Variants in USP54 observed in about 807,000 individuals in gnomAD.
USP54 encodes the protein ubiquitin carboxyl-terminal hydrolase 54.
USP54 carries 87 observed loss-of-function variants against 170.5 expected under a neutral mutation model. That is an observed-to-expected ratio of 0.51 (90% CI 0.43 to 0.61). The LOEUF (loss-of-function observed/expected upper bound fraction) is 0.61, where lower values mean the gene tolerates loss of function less well. USP54 is among the 20% of genes least tolerant of loss of function. USP54 has a pLI of 0.00. For synonymous variants in USP54, 655 were observed against 742.8 expected (o/e 0.88, Z 1.92); for missense variants, 1,786 against 2,047.8 (o/e 0.87, Z 2.47).
At chr10:73,499,219 G>C (rs774600959) in intron 23 of USP54, 31 bp from the exon 24 acceptor site, 1 of 1,552,724 alleles carries the variant, frequency 6.4e-7, no homozygotes, top group Non-Finnish European at 8.7e-7. Flanking sequence ...CAAAGACTGA[G>C]CATCTTCAGA....
chr10:73,544,739 A>G (rs2067382098), intron 5 of USP54, among the ~76,000 whole-genome samples: 1 of 151,576 alleles, frequency 6.6e-6, no homozygotes, highest in Non-Finnish European at 1.5e-5. Flanking sequence ...TTTGAGACAG[A>G]GTCTCACTGT....
At position 73,517,108 on chromosome 10, in the gene USP54, C is replaced by T. The variant is rs377681685; in HGVS notation, c.3318G>A (p.Leu1106=). 2.0e-5 allele frequency: 32 copies of T among 1,614,098 alleles called. No homozygotes were observed. Among genetic ancestry groups the T allele is most frequent in the Non-Finnish European group, 2.4e-5 (28 of 1,180,050 alleles). The change falls in exon 20 of 24, where the codon TTG becomes TTA. Residue 1106 remains leucine (L), a synonymous_variant. Transcript: ENST00000687698. ...CLQGQSLKTS[L]TLKVDRGSEE... is the part of the protein sequence containing the mutation. ...CACTGCCTCTGTCCACTTTTAAAGT[C>T]AATGAAGTTTTGAGGCTTTGGCCTT...
At chr10:73,617,492 T>C (rs1311435171) in intron 1 of USP54, among the ~76,000 whole-genome samples, 1 of 149,614 alleles carries the variant, frequency 6.7e-6, no homozygotes, top group East Asian at 1.9e-4. Flanking sequence ...TAATAATAAA[T>C]ATGGAAAATA....
At chr10:73,527,393 G>A (rs2063085773) in intron 15 of USP54, among the ~76,000 whole-genome samples, 1 of 151,606 alleles carries the variant, frequency 6.6e-6, no homozygotes, top group Admixed American at 6.6e-5. Context: ...AGCTACTAGG[G>A]AGGCTGAGGC....
intron 1 of USP54, among the ~76,000 whole-genome samples, chr10:73,577,127 CA>C (rs1310541715): frequency 6.6e-6 from 1 of 152,196 alleles, no homozygotes; most frequent in African/African-American, 2.4e-5. Flanking sequence ...ACCACATCTC[CA>C]GCTTTAAGTT....
Position 73,620,790 on chromosome 10 carries a change from T to G in USP54, c.-18+4777A>C, listed in dbSNP as rs554333998. ...CTGTCTCTACCAAAAATACAAAAAA[T>G]TATCTGGGTGTGGTGGCGGGCACCT... is the stretch of plus-strand genomic sequence containing the variant. On this transcript the variant is annotated intron_variant, in intron 1 of 22. Transcript: ENST00000339859. Among the ~76,000 whole-genome samples the G allele has an allele frequency of 4.3e-4, 64 of 149,916 alleles. 2 individuals carry two copies. The highest frequency in any genetic ancestry group is 7.1e-4 in the Non-Finnish European group (48 of 67,986).
chr10:73,596,758 C>T (rs1031426410), intron 1 of USP54, among the ~76,000 whole-genome samples: 3 of 148,984 alleles, frequency 2.0e-5, no homozygotes, highest in African/African-American at 7.4e-5. Flanking sequence ...AAGGGTTTCT[C>T]AGTGTTTATG....
rs770341500 is a variant in USP54 at position 73,539,569 on chromosome 10, G to A, written c.850C>T (p.Arg284Trp). 21 of 1,604,604 alleles carry A rather than the reference G, an allele frequency of 1.3e-5. No homozygotes were observed. The highest frequency in any genetic ancestry group is 1.0e-4 in the Admixed American group (6 of 59,630). Reference sequence around the variant, plus strand: ...AAGTACAGTTCAGATTGCTTGGCCCGGTCATCCGTCACTCTGAAAAACAGC... The same window carrying A: ...AAGTACAGTTCAGATTGCTTGGCCCAGTCATCCGTCACTCTGAAAAACAGC... The part of the protein sequence containing the change: ...GDLFFRVTDD[R>W]AKQSELYLVG... The change falls in exon 10 of 24, where the codon CGG becomes TGG. Residue 284 changes from arginine to tryptophan, a missense_variant. Coordinates refer to ENST00000687698, the MANE Select transcript of USP54 (RefSeq NM_001391956.1).
At chr10:73,540,657 A>G (rs781347202) in intron 9 of USP54, among the ~76,000 whole-genome samples, 3 of 152,220 alleles carry the variant, frequency 2.0e-5, no homozygotes, top group Non-Finnish European at 4.4e-5. Flanking sequence ...GGCTATTCAC[A>G]GGCAGAATCA....
rs771730921 is a variant in USP54, at chr10:73,541,401, G to A, written c.799C>T (p.Leu267=). ...SDLAEDVIHS[L]GTCLKLGDLF... ...TCACCCAGCTTAAGGCAGGTTCCCA[G>A]GCTGTGGATAACATCTTCTGCTAAG... Residue 267 remains leucine, a synonymous_variant, in exon 9 of 24, where the codon CTG becomes TTG. Coordinates refer to ENST00000687698, the MANE Select transcript of USP54 (RefSeq NM_001391956.1). 9.3e-6 allele frequency: 15 copies of A among 1,614,056 alleles called. No individual in the cohort carries two copies. Among genetic ancestry groups the A allele is most frequent in the Admixed American group, 5.0e-5 (3 of 59,996 alleles).
At chr10:73,511,353 A>AG (rs2060177798) in intron 20 of USP54, among the ~76,000 whole-genome samples, 1 of 148,978 alleles carries the variant, frequency 6.7e-6, no homozygotes, top group African/African-American at 2.5e-5. Flanking sequence ...TTTTTTTTTT[A>AG]GCATTTTTTG....
rs773132377 is a variant in USP54, at chr10:73,526,779, C to A, written c.2062G>T (p.Asp688Tyr). Residue 688 changes from aspartate to tyrosine, a missense_variant and splice_region_variant, in exon 16 of 24, where the codon GAT becomes TAT. By Grantham distance (160) the Asp-to-Tyr change is radical (BLOSUM62 -3). Coordinates refer to ENST00000687698, the MANE Select transcript of USP54 (RefSeq NM_001391956.1). ...CCAGCTGATCTCTTAGCACTTGGATCCCTTCAAAAGAGAACTCAGAGTCTA... is the reference window on the plus strand; with the variant it reads ...CCAGCTGATCTCTTAGCACTTGGATACCTTCAAAAGAGAACTCAGAGTCTA... ...ALPESSNVYR[D>Y]PSAKRSAGLV... 3 of 1,613,786 alleles carry A rather than the reference C, an allele frequency of 1.9e-6. No homozygotes were observed. The highest frequency in any genetic ancestry group is 1.7e-5 in the Admixed American group (1 of 59,988).
chr10:73,613,227 C>T (rs767936139), intron 1 of USP54, among the ~76,000 whole-genome samples: 8 of 150,458 alleles, frequency 5.3e-5, no homozygotes, highest in Non-Finnish European at 1.2e-4. Context: ...CTCCACCTCC[C>T]GGGTTCAAGC....
At chr10:73,559,651 C>G (rs2072308673) in intron 4 of USP54, among the ~76,000 whole-genome samples, 1 of 151,606 alleles carries the variant, frequency 6.6e-6, no homozygotes, top group Admixed American at 6.6e-5. Context: ...TCACTTGAAC[C>G]TGGGAGGCGG....
intron 4 of USP54, among the ~76,000 whole-genome samples, chr10:73,569,556 C>T (rs189087561): frequency 7.7e-4 from 117 of 151,824 alleles, no homozygotes; most frequent in Non-Finnish European, 1.5e-3. Context: ...CCGAGGCGGG[C>T]GTCACCTGAA....
At chr10:73,552,257 AC>A (rs1182937440) in intron 4 of USP54, among the ~76,000 whole-genome samples, 1 of 152,204 alleles carries the variant, frequency 6.6e-6, no homozygotes, top group African/African-American at 2.4e-5. Flanking sequence ...TACTAAAAAT[AC>A]AAAAAGTAGC....
chr10:73,569,886 A>G (rs952389763), intron 4 of USP54, among the ~76,000 whole-genome samples: 5 of 132,328 alleles, frequency 3.8e-5, no homozygotes, highest in African/African-American at 1.4e-4. Flanking sequence ...TGGGCAACAG[A>G]GCAAGATTTC....
intron 12 of USP54, among the ~76,000 whole-genome samples, chr10:73,531,269 C>T (rs1224895803): frequency 1.4e-5 from 2 of 147,978 alleles, no homozygotes; most frequent in African/African-American, 2.5e-5. Context: ...CCAGCCTGGA[C>T]GACAGAGCAA....
chr10:73,600,178 T>C (rs1200876320), intron 1 of USP54, among the ~76,000 whole-genome samples: 1 of 152,110 alleles, frequency 6.6e-6, no homozygotes, highest in Non-Finnish European at 1.5e-5. Context: ...GGATTACACT[T>C]GTGAGCAACC....
Sources: allele counts gnomAD v4.1 joint callset (sites outside exome capture counted in the v4.1 genomes callset), GRCh38; gene constraint gnomAD v4.1.1; transcripts MANE v1.5; gene names NCBI Gene and HGNC (gene_info 2026-07-23, HGNC 2026-07-21).